IQGAP2: variants seen among roughly 807,000 people sequenced by gnomAD.
IQGAP2 encodes the protein ras GTPase-activating-like protein IQGAP2.
A neutral mutation model predicts 201.3 loss-of-function variants in IQGAP2; 173 were observed. The ratio of observed to expected loss-of-function variants is 0.86; its 90% CI spans 0.76 to 0.98. IQGAP2 has a LOEUF of 0.98. Ranked by LOEUF, IQGAP2 falls within the 50% of genes least tolerant of loss-of-function variation. The pLI is 0.00. For missense variants in IQGAP2, 1,687 were observed against 1,864.8 expected (o/e 0.90, Z 1.76); for synonymous variants, 675 against 673.9 (o/e 1.00, Z -0.03).
intron 34 of IQGAP2, among the ~76,000 whole-genome samples, chr5:76,701,424 G>A (rs984294692): frequency 2.6e-5 from 4 of 151,944 alleles, no homozygotes; most frequent in Admixed American, 2.6e-4. Context: ...TGTCTTTCCC[G>A]TGGCTTGTGC....
intron 1 of IQGAP2, among the ~76,000 whole-genome samples, chr5:76,422,181 T>A (rs1751765608): frequency 1.3e-5 from 2 of 152,212 alleles, no homozygotes; most frequent in Admixed American, 6.5e-5. Flanking sequence ...TCTAGAATGG[T>A]GGTGCTTAAC....
chr5:76,691,186 T>C, intron 30 of IQGAP2, among the ~76,000 whole-genome samples: 1 of 152,148 alleles, frequency 6.6e-6, no homozygotes, highest in East Asian at 1.9e-4. Context: ...ATGTCTGAGG[T>C]AGAACTTTGG....
At chr5:76,626,270 C>CTTTTTTTTTTTTTTTTTTTTTTTTT (rs34251090) in intron 13 of IQGAP2, among the ~76,000 whole-genome samples, 4 of 83,654 alleles carry the variant, frequency 4.8e-5, no homozygotes, top group Admixed American at 1.8e-4. Flanking sequence ...TTCTTCTTTT[C>CTTTTTTTTTTTTTTTTTTTTTTTTT]TTTTTTTTTT....
At chr5:76,698,886 G>A (rs967854234) in intron 33 of IQGAP2, among the ~76,000 whole-genome samples, 2 of 152,064 alleles carry the variant, frequency 1.3e-5, no homozygotes, top group East Asian at 3.8e-4. Context: ...ATAATTTTAT[G>A]TATTCCTGGG....
chr5:76,543,861 C>T (rs1742933680), intron 2 of IQGAP2, among the ~76,000 whole-genome samples: 1 of 152,154 alleles, frequency 6.6e-6, no homozygotes, highest in Admixed American at 6.5e-5. Context: ...ACTTACATTT[C>T]CCCCCATTAG....
intron 5 of IQGAP2, among the ~76,000 whole-genome samples, chr5:76,577,104 G>C (rs530353728): frequency 6.6e-6 from 1 of 152,342 alleles, no homozygotes; most frequent in Admixed American, 6.5e-5. Flanking sequence ...GCATCACAGT[G>C]CTAATCTCTA....
chr5:76,601,728 G>T (rs1376861972), intron 11 of IQGAP2, among the ~76,000 whole-genome samples: 3 of 152,134 alleles, frequency 2.0e-5, no homozygotes, highest in African/African-American at 7.2e-5. Flanking sequence ...GCTCTAATAG[G>T]CAGGTTGGCT....
At chr5:76,408,198 C>T (rs2150068217) in intron 1 of IQGAP2, among the ~76,000 whole-genome samples, 1 of 152,246 alleles carries the variant, frequency 6.6e-6, no homozygotes, top group East Asian at 1.9e-4. Flanking sequence ...AGATCTAATG[C>T]TTACCATGTC....
At chr5:76,660,799 T>C (rs1188279064) in intron 21 of IQGAP2, among the ~76,000 whole-genome samples, 1 of 152,190 alleles carries the variant, frequency 6.6e-6, no homozygotes, top group Non-Finnish European at 1.5e-5. Flanking sequence ...TTAGTAGTGA[T>C]ACAAGAACAG....
At chr5:76,675,918 A>G (rs1440872021) in intron 27 of IQGAP2, among the ~76,000 whole-genome samples, 1 of 152,064 alleles carries the variant, frequency 6.6e-6, no homozygotes, top group South Asian at 2.1e-4. Flanking sequence ...CATCTCTACA[A>G]AAAATTTAAA....
chr5:76,665,107 A>G lies in IQGAP2; in HGVS notation c.2611A>G (p.Ile871Val), dbSNP rs1350251415. Residue 871 changes from isoleucine (I) to valine (V), a missense_variant, in exon 22 of 36, where the codon ATA (isoleucine) becomes GTA (valine). By Grantham distance (29) the Ile-to-Val change is conservative. Coordinates refer to ENST00000274364, the MANE Select transcript of IQGAP2 (RefSeq NM_006633.5). ...ACTGAATAACACCGACAACCAAGGA[A>G]TAAAAAGTTTGAGTAAGGAGAGGAG... Reference protein sequence around the residue: ...EILNNTDNQGIKSLSKERRKT... With the variant: ...EILNNTDNQGVKSLSKERRKT... 1.9e-6 allele frequency: 3 copies of G among 1,611,224 alleles called. No individual in the cohort carries two copies. Among genetic ancestry groups the G allele is most frequent in the Non-Finnish European group, 8.5e-7 (1 of 1,177,474 alleles).
intron 2 of IQGAP2, among the ~76,000 whole-genome samples, chr5:76,492,774 C>T (rs766478721): frequency 1.3e-5 from 2 of 152,176 alleles, no homozygotes; most frequent in African/African-American, 4.8e-5. Flanking sequence ...ACACAGTCCG[C>T]TCTTCACTCA....
chr5:76,414,313 A>C (rs1329689902), intron 1 of IQGAP2, among the ~76,000 whole-genome samples: 1 of 152,088 alleles, frequency 6.6e-6, no homozygotes, highest in Non-Finnish European at 1.5e-5. Flanking sequence ...GCCTCATGAA[A>C]TATGACTCCC....
chr5:76,579,346 A>G (rs1032140549), intron 5 of IQGAP2, among the ~76,000 whole-genome samples: 5 of 151,942 alleles, frequency 3.3e-5, no homozygotes, highest in African/African-American at 1.2e-4. Flanking sequence ...TTTCGGATGG[A>G]TCACTTGTGA....
At chr5:76,537,698 G>A (rs1759707886) in intron 2 of IQGAP2, among the ~76,000 whole-genome samples, 1 of 152,168 alleles carries the variant, frequency 6.6e-6, no homozygotes, top group Non-Finnish European at 1.5e-5. Flanking sequence ...GTGAGCAGCT[G>A]CCAATTCTAA....
chr5:76,536,627 T>G (rs1451048388), intron 2 of IQGAP2, among the ~76,000 whole-genome samples: 2 of 151,544 alleles, frequency 1.3e-5, no homozygotes, highest in Admixed American at 1.3e-4. Context: ...GGTGTGGTGG[T>G]GCACGCCTGT....
At chr5:76,672,631 T>A (rs1420041197) in intron 24 of IQGAP2, among the ~76,000 whole-genome samples, 1 of 152,190 alleles carries the variant, frequency 6.6e-6, no homozygotes, top group Admixed American at 6.5e-5. Context: ...TCAGGGTATA[T>A]ATTCCAGTTG....
chr5:76,559,392 C>T (rs978145651), intron 2 of IQGAP2, among the ~76,000 whole-genome samples: 4 of 152,206 alleles, frequency 2.6e-5, no homozygotes, highest in Admixed American at 6.5e-5. Flanking sequence ...TCTCTAATTA[C>T]CACTGTCAGC....
intron 32 of IQGAP2, among the ~76,000 whole-genome samples, chr5:76,697,010 A>G (rs1214973431): frequency 6.6e-6 from 1 of 152,206 alleles, no homozygotes; most frequent in Non-Finnish European, 1.5e-5. Context: ...AAGAAAAATA[A>G]TATTAAACAG....
Sources: allele counts gnomAD v4.1 joint callset (sites outside exome capture counted in the v4.1 genomes callset), GRCh38; gene constraint gnomAD v4.1.1; transcripts MANE v1.5; gene names NCBI Gene and HGNC (gene_info 2026-07-23, HGNC 2026-07-21).